The following ADAMTSL1 variants were observed in gnomAD, a reference collection of about 807,000 sequenced individuals.
ADAMTSL1 encodes the protein ADAMTS like 1, also known as ADAMTS-like protein 1.
ADAMTSL1 carries 126 observed loss-of-function variants against 201.8 expected under a neutral mutation model. That is an observed-to-expected ratio of 0.62 (90% CI 0.54 to 0.72). The LOEUF (loss-of-function observed/expected upper bound fraction) is 0.72, where lower values mean the gene tolerates loss of function less well. Among genes scored for constraint, ADAMTSL1 ranks in the 30% least tolerant of loss-of-function variants. ADAMTSL1 has a pLI of 0.00. For missense variants in ADAMTSL1, 2,679 were observed against 2,277.8 expected (o/e 1.18, Z -3.59); for synonymous variants, 1,121 against 903.4 (o/e 1.24, Z -4.32).
intron 2 of ADAMTSL1, among the ~76,000 whole-genome samples, chr9:18,301,061 T>C (rs1401011374): frequency 6.6e-6 from 1 of 152,178 alleles, no homozygotes; most frequent in Non-Finnish European, 1.5e-5. Flanking sequence ...TAAATACTAT[T>C]TATATAGCCA....
At chr9:18,751,019 T>C (rs966407373) in intron 15 of ADAMTSL1, among the ~76,000 whole-genome samples, 9 of 152,168 alleles carry the variant, frequency 5.9e-5, no homozygotes, top group Admixed American at 5.9e-4. Flanking sequence ...GACCTAGCCT[T>C]GGAAGTCACA....
chr9:18,011,046 A>T (rs1249785885), intron 1 of ADAMTSL1, among the ~76,000 whole-genome samples: 1 of 152,024 alleles, frequency 6.6e-6, no homozygotes, highest in East Asian at 1.9e-4. Flanking sequence ...ATTCTTTAGA[A>T]CACAGTCTTA....
chr9:18,662,141 A>G (rs1829134511), intron 9 of ADAMTSL1, 68 bp downstream of exon 9: 2 of 1,539,744 alleles, frequency 1.3e-6, no homozygotes. Context: ...ATTTAAATTA[A>G]AATGAAACGT....
At chr9:18,574,961 A>C (rs955706331) in intron 4 of ADAMTSL1, among the ~76,000 whole-genome samples, 8 of 152,254 alleles carry the variant, frequency 5.3e-5, no homozygotes, top group African/African-American at 1.9e-4. Flanking sequence ...TAGGATTACC[A>C]GTCTAGTTTT....
At chr9:18,343,532 G>T (rs1439433470) in intron 2 of ADAMTSL1, among the ~76,000 whole-genome samples, 2 of 152,050 alleles carry the variant, frequency 1.3e-5, no homozygotes, top group Admixed American at 6.6e-5. Context: ...TTACTCCTAG[G>T]GAATATATTT....
intron 1 of ADAMTSL1, among the ~76,000 whole-genome samples, chr9:17,954,749 C>T (rs1827864978): frequency 6.6e-6 from 1 of 152,056 alleles, no homozygotes; most frequent in Non-Finnish European, 1.5e-5. Flanking sequence ...AGTTAACAAC[C>T]TTAAGTTCTA....
chr9:18,065,719 G>A (rs971554578), intron 1 of ADAMTSL1, among the ~76,000 whole-genome samples: 4 of 152,098 alleles, frequency 2.6e-5, no homozygotes, highest in Non-Finnish European at 5.9e-5. Flanking sequence ...GGTGGCTCAC[G>A]CCTGTAATCC....
At chr9:18,540,888 G>A (rs772255889) in intron 3 of ADAMTSL1, among the ~76,000 whole-genome samples, 1 of 152,128 alleles carries the variant, frequency 6.6e-6, no homozygotes, top group Non-Finnish European at 1.5e-5. Flanking sequence ...ACCTACTAGA[G>A]AGGGCCTCCA....
intron 2 of ADAMTSL1, among the ~76,000 whole-genome samples, chr9:18,186,805 G>A (rs1449683174): frequency 6.6e-6 from 1 of 151,290 alleles, no homozygotes; most frequent in East Asian, 2.0e-4. Flanking sequence ...ATCATATTGT[G>A]CCAGCAGTGC....
intron 2 of ADAMTSL1, among the ~76,000 whole-genome samples, chr9:18,513,472 C>G (rs1681690239): frequency 6.6e-6 from 1 of 152,156 alleles, no homozygotes; most frequent in Non-Finnish European, 1.5e-5. Context: ...TGTTCTTTCC[C>G]TTGCCGTGCA....
intron 1 of ADAMTSL1, among the ~76,000 whole-genome samples, chr9:18,484,533 G>A (rs945072329): frequency 2.0e-5 from 3 of 152,064 alleles, no homozygotes; most frequent in Non-Finnish European, 4.4e-5. Flanking sequence ...CTTTGTCTCT[G>A]TGTTTATTTG....
chr9:18,722,834 G>A (rs576259843), intron 15 of ADAMTSL1, among the ~76,000 whole-genome samples: 1 of 152,316 alleles, frequency 6.6e-6, no homozygotes, highest in African/African-American at 2.4e-5. Context: ...GAGAACAGCA[G>A]TCAACAAGAT....
intron 2 of ADAMTSL1, among the ~76,000 whole-genome samples, chr9:18,340,967 T>A (rs747130164): frequency 6.6e-5 from 10 of 152,158 alleles, no homozygotes; most frequent in Non-Finnish European, 1.3e-4. Context: ...CTGTCACTAC[T>A]GTCATTAGCC....
intron 2 of ADAMTSL1, among the ~76,000 whole-genome samples, chr9:18,512,267 C>T (rs532779053): frequency 9.2e-5 from 14 of 152,072 alleles, no homozygotes; most frequent in South Asian, 2.1e-4. Context: ...ATCTCCTTTC[C>T]GGAGGCAAAT....
intron 4 of ADAMTSL1, among the ~76,000 whole-genome samples, chr9:18,586,300 C>G (rs1823487912): frequency 1.3e-5 from 2 of 152,120 alleles, no homozygotes; most frequent in Admixed American, 1.3e-4. Flanking sequence ...CAACAACAGC[C>G]AAGCTGAAAG....
chr9:18,355,418 A>G (rs1290569153), intron 2 of ADAMTSL1, among the ~76,000 whole-genome samples: 1 of 152,184 alleles, frequency 6.6e-6, no homozygotes, highest in African/African-American at 2.4e-5. Context: ...AGCTGACTCA[A>G]AGATTGGAGG....
At chr9:18,081,258 C>T (rs1235887698) in intron 1 of ADAMTSL1, among the ~76,000 whole-genome samples, 1 of 152,032 alleles carries the variant, frequency 6.6e-6, no homozygotes, top group Non-Finnish European at 1.5e-5. Flanking sequence ...ACCATCAAGT[C>T]TAGTGTGTAT....
chr9:18,447,706 T>C (rs1488162009), intron 2 of ADAMTSL1, among the ~76,000 whole-genome samples: 1 of 152,206 alleles, frequency 6.6e-6, no homozygotes, highest in Admixed American at 6.5e-5. Context: ...CCTTTCTGAA[T>C]GTCTATTGCT....
chr9:18,822,313 C>G (rs1194553906), intron 21 of ADAMTSL1, among the ~76,000 whole-genome samples: 1 of 152,144 alleles, frequency 6.6e-6, no homozygotes, highest in Non-Finnish European at 1.5e-5. Context: ...AGCTAAAAAG[C>G]CAGAACACAT....
Sources: gnomAD v4.1 joint callset for allele counts (sites outside exome capture counted in the v4.1 genomes callset) on GRCh38, gnomAD v4.1.1 for gene constraint, MANE v1.5 for transcripts, NCBI Gene and HGNC (gene_info 2026-07-23, HGNC 2026-07-21) for gene names.